CCDC85C: variants seen among roughly 807,000 people sequenced by gnomAD.
The protein encoded by CCDC85C is coiled-coil domain containing 85C, also known as coiled-coil domain-containing protein 85C.
CCDC85C carries 18 observed loss-of-function variants against 38.3 expected under a neutral mutation model. The ratio of observed to expected loss-of-function variants is 0.47; its 90% confidence interval spans 0.33 to 0.70. CCDC85C has a LOEUF of 0.70. Ranked by LOEUF, CCDC85C falls within the 30% of genes least tolerant of loss-of-function variation. The probability of loss-of-function intolerance (pLI) is 0.03; values close to 1 mark genes in which losing one functional copy is unlikely to be tolerated. For missense variants in CCDC85C, 566 were observed against 621.2 expected (o/e 0.91, Z 0.94); for synonymous variants, 264 against 293.8 (o/e 0.90, Z 1.04).
At position 99,506,911 on chromosome 14, in the gene CCDC85C, T is replaced by A; in HGVS notation, c.*8335A>T. On this transcript the variant is annotated 3_prime_UTR_variant, in exon 6 of 6. Coordinates refer to ENST00000380243, the MANE Select transcript of CCDC85C (RefSeq NM_001144995.2). ...GTGGCATTTAATTTGTTAACAGGAT[T>A]CATGCATAATGGTTTAGCTGAAACC... The A allele has an allele frequency of 1.6e-6, 1 of 615,196 alleles. No individual in the cohort carries two copies. The allele number at this position is 615,196 out of a possible 1,614,324, so 38.1% of individuals were successfully genotyped here.
At chr14:99,564,309 C>A (rs1898174040) in intron 1 of CCDC85C, among the ~76,000 whole-genome samples, 1 of 152,224 alleles carries the variant, frequency 6.6e-6, no homozygotes, top group Non-Finnish European at 1.5e-5. Flanking sequence ...CTCCTCCTTG[C>A]ACCCTCCCCA....
At chr14:99,534,091 C>G (rs1015347198) in intron 2 of CCDC85C, among the ~76,000 whole-genome samples, 1 of 152,192 alleles carries the variant, frequency 6.6e-6, no homozygotes, top group East Asian at 1.9e-4. Flanking sequence ...CGTGGTGGCT[C>G]ACACCTGTAA....
chr14:99,550,907 G>C (rs1206917936), intron 1 of CCDC85C, among the ~76,000 whole-genome samples: 1 of 152,098 alleles, frequency 6.6e-6, no homozygotes, highest in Non-Finnish European at 1.5e-5. Flanking sequence ...TGCTCACCTG[G>C]GTCCAGCTCG....
chr14:99,503,760 G>A lies in CCDC85C; in HGVS notation c.*11486C>T, dbSNP rs888990317. The A allele has an allele frequency of 2.3e-6, 2 of 872,040 alleles. No individual in the cohort carries two copies. Among genetic ancestry groups the A allele is most frequent in the Admixed American group, 5.4e-5 (2 of 36,800 alleles). The allele number at this position is 872,040 out of a possible 1,614,324, so 54.0% of individuals were successfully genotyped here. A position where few individuals can be genotyped will look rare whatever the true frequency, so the allele number is the denominator to read the frequency against. On this transcript the variant is annotated 3_prime_UTR_variant, in exon 6 of 6. Coordinates refer to ENST00000380243, the MANE Select transcript of CCDC85C (RefSeq NM_001144995.2). The stretch of plus-strand genomic sequence containing the variant: ...ATTGGCCTTAAATCTTAACTTTAGA[G>A]CTCATACAAAACTTTTCCATCAGCA...
At chr14:99,598,904 C>T (rs1460832726) in intron 1 of CCDC85C, among the ~76,000 whole-genome samples, 1 of 152,120 alleles carries the variant, frequency 6.6e-6, no homozygotes, top group Non-Finnish European at 1.5e-5. Flanking sequence ...GTTTACCCAC[C>T]CCTGGGTCAC....
intron 1 of CCDC85C, among the ~76,000 whole-genome samples, chr14:99,580,493 A>C (rs1595099462): frequency 3.1e-5 from 3 of 97,550 alleles, no homozygotes; most frequent in African/African-American, 3.8e-5. Flanking sequence ...GGGGGCGGGG[A>C]TGGGGGGAAC....
At chr14:99,565,776 C>A (rs999661763) in intron 1 of CCDC85C, among the ~76,000 whole-genome samples, 3 of 152,168 alleles carry the variant, frequency 2.0e-5, no homozygotes, top group African/African-American at 7.2e-5. Context: ...GACACCCCAA[C>A]CCAAGCAGAA....
chr14:99,523,168 C>T (rs977831512), intron 2 of CCDC85C, among the ~76,000 whole-genome samples: 8 of 152,096 alleles, frequency 5.3e-5, no homozygotes, highest in Admixed American at 5.2e-4. Flanking sequence ...GTTACCCAAA[C>T]AAACTGCAGG....
intron 1 of CCDC85C, among the ~76,000 whole-genome samples, chr14:99,557,734 G>A (rs776501061): frequency 6.6e-6 from 1 of 152,150 alleles, no homozygotes; most frequent in Non-Finnish European, 1.5e-5. Context: ...GGCCAACATG[G>A]TGAAACCCCA....
rs1898380467 is a variant in CCDC85C at position 99,572,745 on chromosome 14, G to A, written c.793+30422C>T. The A allele has an allele frequency of 2.2e-6, 1 of 455,954 alleles. No homozygotes were observed. The allele number at this position is 455,954 out of a possible 1,614,324, so 28.2% of individuals were successfully genotyped here. ...CAGGATATGAAACTGTCCCATCCAT[G>A]GATTTGTTTGCCAGTTTATCCATCT... On this transcript the variant is annotated intron_variant, in intron 1 of 5. Coordinates refer to ENST00000380243, the MANE Select transcript of CCDC85C (RefSeq NM_001144995.2). This position sits in a 1 kb window ranked among gnomAD's most constrained non-coding sequence, Gnocchi z 4.4.
intron 5 of CCDC85C, 73 bp from the exon 6 acceptor site, chr14:99,515,408 T>A: frequency 8.9e-7 from 1 of 1,119,888 alleles, no homozygotes; most frequent in Non-Finnish European, 1.3e-6. Context: ...ATCCGCCGCC[T>A]CATCACGGCA....
In CCDC85C at chr14:99,590,301, C is replaced by A. The variant is rs144068041; in HGVS notation, c.793+12866G>T. Among the ~76,000 whole-genome samples, 227 of 152,336 alleles carry A rather than the reference C, an allele frequency of 1.5e-3. 1 individual carries two copies. Among genetic ancestry groups the A allele is most frequent in the Non-Finnish European group, 2.4e-3 (163 of 68,030 alleles). Reference sequence around the variant, plus strand: ...GCATCCCGAGGGCCTCCTGACCATACTCCCTGCGCTGTTCCGTCCAACCTG... The same window carrying A: ...GCATCCCGAGGGCCTCCTGACCATAATCCCTGCGCTGTTCCGTCCAACCTG... On this transcript the variant is annotated intron_variant, in intron 1 of 5. Coordinates refer to ENST00000380243, the MANE Select transcript of CCDC85C (RefSeq NM_001144995.2).
At chr14:99,546,507 T>C (rs1288604677) in intron 1 of CCDC85C, among the ~76,000 whole-genome samples, 1 of 151,938 alleles carries the variant, frequency 6.6e-6, no homozygotes, top group African/African-American at 2.4e-5. Context: ...AAGAGGGGGC[T>C]CTGGGCGGTT....
At chr14:99,550,808 G>A (rs947581006) in intron 1 of CCDC85C, among the ~76,000 whole-genome samples, 5 of 152,176 alleles carry the variant, frequency 3.3e-5, no homozygotes, top group African/African-American at 9.7e-5. Flanking sequence ...GCTGCCCTCT[G>A]AGCCGAGATA....
rs1262455854 is a variant in CCDC85C, at chr14:99,502,149, G to A, written c.*13097C>T. ...GTTAGTTATGGCATCTCCATGCACT[G>A]GTTTAATCATAAATATTAGATCATA... On this transcript the variant is annotated 3_prime_UTR_variant, in exon 6 of 6. Coordinates refer to ENST00000380243, the MANE Select transcript of CCDC85C (RefSeq NM_001144995.2). The A allele has an allele frequency of 4.6e-6, 7 of 1,505,932 alleles. No homozygotes were observed. The highest frequency in any genetic ancestry group is 2.8e-5 in the African/African-American group (2 of 71,524). The allele number at this position is 1,505,932 out of a possible 1,614,324, so 93.3% of individuals were successfully genotyped here.
chr14:99,503,749 T>A lies in CCDC85C; in HGVS notation c.*11497A>T. ...TTCAGATCTAAATTGGCCTTAAATC[T>A]TAACTTTAGAGCTCATACAAAACTT... On this transcript the variant is annotated 3_prime_UTR_variant, in exon 6 of 6. Transcript: ENST00000380243. 1 of 991,174 alleles carries A rather than the reference T, an allele frequency of 1.0e-6. No homozygotes were observed. The highest frequency in any genetic ancestry group is 1.5e-6 in the Non-Finnish European group (1 of 661,144). The allele number at this position is 991,174 out of a possible 1,614,324, so 61.4% of individuals were successfully genotyped here.
At chr14:99,582,947 C>T (rs2054989183) in intron 1 of CCDC85C, 1 of 152,192 alleles carries the variant, frequency 6.6e-6, no homozygotes, top group South Asian at 2.1e-4. Context: ...ATAGGGGACA[C>T]TGGGCGCAGA....
At chr14:99,578,379 G>A (rs6575738) in intron 1 of CCDC85C, among the ~76,000 whole-genome samples, 15,094 of 139,722 alleles carry the variant, frequency 0.11, 1,232 homozygotes, top group East Asian at 0.29. Flanking sequence ...ATCCCCCATC[G>A]GTGTGTTTGT....
rs1896820791 is a variant in CCDC85C at position 99,501,344 on chromosome 14, C to A, written c.*13902G>T. Reference sequence around the variant, plus strand: ...TATTGCTATTAATTTACCTTTTTGTCCCCATTTCTAGGTGATAAAAACAAA... The same window carrying A: ...TATTGCTATTAATTTACCTTTTTGTACCCATTTCTAGGTGATAAAAACAAA... On this transcript the variant is annotated 3_prime_UTR_variant, in exon 6 of 6. Transcript: ENST00000380243. 2 of 1,576,902 alleles carry A rather than the reference C, an allele frequency of 1.3e-6. No homozygotes were observed. Among genetic ancestry groups the A allele is most frequent in the East Asian group, 2.2e-5 (1 of 44,716 alleles).
Sources: allele counts gnomAD v4.1 joint callset (sites outside exome capture counted in the v4.1 genomes callset), GRCh38; gene constraint gnomAD v4.1.1; non-coding constraint Gnocchi (gnomAD v3.1); transcripts MANE v1.5; gene names NCBI Gene and HGNC (gene_info 2026-07-23, HGNC 2026-07-21).